Variants in GPHN observed in about 807,000 individuals in gnomAD.
The protein encoded by GPHN is gephyrin.
GPHN carries 17 observed loss-of-function variants against 95.5 expected under a neutral mutation model. The ratio of observed to expected loss-of-function variants is 0.18; its 90% CI spans 0.12 to 0.27. GPHN has a LOEUF of 0.27. Ranked by LOEUF, GPHN falls within the 10% of genes least tolerant of loss-of-function variation. GPHN has a pLI of 1.00. For missense variants in GPHN, 660 were observed against 978.1 expected, an observed-to-expected ratio of 0.67 and a Z score of 4.34; for synonymous variants, 320 against 322.5, an observed-to-expected ratio of 0.99 and a Z score of 0.08.
rs111724439 is a variant in GPHN at position 66,833,585 on chromosome 14, C to T, written c.294+9019C>T. 3.1e-3 allele frequency among the ~76,000 whole-genome samples: 470 copies of T among 151,518 alleles called. 11 individuals carry two copies. Among genetic ancestry groups the T allele is most frequent in the African/African-American group, 0.011 (445 of 41,238 alleles). ...TTTCTTAGACTCTTTTTTGAATCAG[C>T]ATTTATTCGAATGCACATGAATACA... On this transcript the variant is annotated intron_variant, in intron 4 of 22. Transcript: ENST00000478722.
At chr14:67,487,948 T>C in the GPHN span, among the ~76,000 whole-genome samples, 3 of 152,346 alleles carry the variant, frequency 2.0e-5, no homozygotes, top group Admixed American at 2.0e-4. Context: ...ATGTTTTTAC[T>C]ACTATCCCTA....
chr14:66,570,547 C>A (rs1019510854), intron 1 of GPHN, among the ~76,000 whole-genome samples: 1 of 151,596 alleles, frequency 6.6e-6, no homozygotes, highest in African/African-American at 2.4e-5. Context: ...CTCAGGCGAT[C>A]CACCTGCCTC....
chr14:67,699,589 C>CAAAAAAAAAAAAAAAAAAAAAAAAAAA, the GPHN span, among the ~76,000 whole-genome samples: 2 of 50,812 alleles, frequency 3.9e-5, no homozygotes, highest in Non-Finnish European at 3.7e-5. Context: ...GACCCTATCT[C>CAAAAAAAAAAAAAAAAAAAAAAAAAAA]AAAAAAAAAA....
chr14:67,547,886 C>A, the GPHN span, among the ~76,000 whole-genome samples: 10 of 152,116 alleles, frequency 6.6e-5, no homozygotes, highest in African/African-American at 2.4e-4. Flanking sequence ...GAGAGAGAGC[C>A]GGATGAAGGG....
At chr14:67,300,833 T>G in the GPHN span, among the ~76,000 whole-genome samples, 1 of 152,000 alleles carries the variant, frequency 6.6e-6, no homozygotes, top group African/African-American at 2.4e-5. Flanking sequence ...CTTGTTAGAC[T>G]GTCAGTCTTT....
chr14:67,297,733 A>G, the GPHN span, among the ~76,000 whole-genome samples: 2 of 152,218 alleles, frequency 1.3e-5, no homozygotes, highest in Admixed American at 1.3e-4. Flanking sequence ...ATAAAGGTAA[A>G]GGAGACATCA....
chr14:67,301,226 C>T, the GPHN span, among the ~76,000 whole-genome samples: 2 of 151,758 alleles, frequency 1.3e-5, no homozygotes, highest in Non-Finnish European at 2.9e-5. Context: ...TTGTTTTATC[C>T]ATAATAACAA....
chr14:66,596,012 C>G (rs917037169), intron 1 of GPHN, among the ~76,000 whole-genome samples: 1 of 152,060 alleles, frequency 6.6e-6, no homozygotes, highest in Non-Finnish European at 1.5e-5. Context: ...TCTCTGCAGG[C>G]AGGGCATCCT....
intron 2 of GPHN, among the ~76,000 whole-genome samples, chr14:66,752,040 T>C (rs891134792): frequency 5.9e-5 from 9 of 152,166 alleles, no homozygotes; most frequent in African/African-American, 7.2e-5. Flanking sequence ...GTTACAGATA[T>C]AGCTTCTTAA....
chr14:67,035,494 G>A (rs927621793), intron 10 of GPHN, among the ~76,000 whole-genome samples: 1 of 151,744 alleles, frequency 6.6e-6, no homozygotes, highest in Non-Finnish European at 1.5e-5. Flanking sequence ...CAAACTCTTA[G>A]CTAGACAGAC....
At chr14:66,873,910 A>G (rs1261263420) in intron 4 of GPHN, among the ~76,000 whole-genome samples, 2 of 152,236 alleles carry the variant, frequency 1.3e-5, no homozygotes, top group African/African-American at 4.8e-5. Context: ...CTGCTAAGGG[A>G]CAGACTGCAT....
the GPHN span, chr14:67,587,321 G>A: frequency 8.3e-6 from 12 of 1,453,678 alleles, no homozygotes; most frequent in Non-Finnish European, 1.2e-5. Context: ...ACTGTGACGG[G>A]TCTAACAGCC....
chr14:66,552,988 C>CTTTTTTTT (rs2059875504), intron 1 of GPHN, among the ~76,000 whole-genome samples: 5 of 131,850 alleles, frequency 3.8e-5, no homozygotes, highest in African/African-American at 1.4e-4. Flanking sequence ...TTTTTCTTTT[C>CTTTTTTTT]TTTTCTTTTT....
At chr14:66,875,034 C>G (rs1229283177) in intron 4 of GPHN, among the ~76,000 whole-genome samples, 1 of 152,152 alleles carries the variant, frequency 6.6e-6, no homozygotes, top group Non-Finnish European at 1.5e-5. Context: ...CACAAGGAAG[C>G]CCATCAAGCT....
the GPHN span, among the ~76,000 whole-genome samples, chr14:67,461,356 C>T: frequency 6.6e-6 from 1 of 152,162 alleles, no homozygotes; most frequent in Non-Finnish European, 1.5e-5. Flanking sequence ...AAACTCCAGT[C>T]TAATGACTCC....
At chr14:67,674,507 A>G in the GPHN span, 2 of 1,570,662 alleles carry the variant, frequency 1.3e-6, no homozygotes, top group African/African-American at 1.4e-5. Context: ...GCCGCGCTGG[A>G]GCAGCGGCCA....
chr14:67,359,615 T>C, the GPHN span: 3 of 1,611,560 alleles, frequency 1.9e-6, no homozygotes, highest in East Asian at 4.5e-5. Flanking sequence ...GCGCTCCGGG[T>C]TCCTAAACCT....
the GPHN span, among the ~76,000 whole-genome samples, chr14:67,332,169 G>T: frequency 3.3e-5 from 5 of 152,266 alleles, no homozygotes; most frequent in Admixed American, 3.3e-4. Flanking sequence ...GAACCCATGT[G>T]CCTGATAATT....
At chr14:66,876,303 A>T (rs1362219975) in intron 4 of GPHN, among the ~76,000 whole-genome samples, 3 of 152,188 alleles carry the variant, frequency 2.0e-5, no homozygotes, top group Admixed American at 2.0e-4. Flanking sequence ...AATGGGAAAG[A>T]TCTAAAATCA....
Sources: allele counts gnomAD v4.1 joint callset (sites outside exome capture counted in the v4.1 genomes callset), GRCh38; gene constraint gnomAD v4.1.1; transcripts MANE v1.5; gene names NCBI Gene and HGNC (gene_info 2026-07-23, HGNC 2026-07-21).